Variants in CEP70 observed in about 807,000 individuals in gnomAD.
CEP70 encodes the protein centrosomal protein 70.
CEP70 carries 70 observed loss-of-function variants against 90.9 expected under a neutral mutation model. That is an observed-to-expected ratio of 0.77 (90% CI 0.64 to 0.94). The LOEUF (loss-of-function observed/expected upper bound fraction) is 0.94. Among genes scored for constraint, CEP70 ranks in the 40% least tolerant of loss-of-function variants. The pLI is 0.00. For missense variants in CEP70, 648 were observed against 669.0 expected, an observed-to-expected ratio of 0.97 and a Z score of 0.35; for synonymous variants, 220 against 228.3, an observed-to-expected ratio of 0.96 and a Z score of 0.33.
chr3:138,590,411 G>T (rs2042323537), intron 2 of CEP70, among the ~76,000 whole-genome samples: 1 of 152,036 alleles, frequency 6.6e-6, no homozygotes, highest in Non-Finnish European at 1.5e-5. Context: ...TCCTAGCTCT[G>T]TCTACTGAAA....
intron 6 of CEP70, among the ~76,000 whole-genome samples, chr3:138,538,219 G>T (rs910806127): frequency 6.6e-6 from 1 of 152,152 alleles, no homozygotes; most frequent in Non-Finnish European, 1.5e-5. Flanking sequence ...GGTGGGAATA[G>T]CAGCAACCCC....
At chr3:138,580,922 G>A (rs1576932895) in intron 2 of CEP70, among the ~76,000 whole-genome samples, 1 of 152,096 alleles carries the variant, frequency 6.6e-6, no homozygotes, top group East Asian at 1.9e-4. Flanking sequence ...AATTGATCAA[G>A]CAGAAGAATC....
chr3:138,500,632 T>C, intron 14 of CEP70, 65 bp from the exon 15 acceptor site: 1 of 1,520,398 alleles, frequency 6.6e-7, no homozygotes, highest in South Asian at 1.3e-5. Flanking sequence ...ATAAAAACTT[T>C]TAAAAGACAA....
At chr3:138,580,037 C>G (rs1047995401) in intron 2 of CEP70, among the ~76,000 whole-genome samples, 2 of 152,004 alleles carry the variant, frequency 1.3e-5, no homozygotes, top group African/African-American at 4.8e-5. Flanking sequence ...ACTAAAGAGC[C>G]TTGGGCCTTA....
In CEP70 at chr3:138,500,399, C is replaced by T; in HGVS notation, c.1537G>A (p.Asp513Asn). ...VRNLQELLEL[D>N]SSSSLCVLVS... ...CCAAAATGACAAATTAGGTCATCAC[C>T]TAATTCTAAGAGTTCTTGGAGGTTT... The change falls in exon 15 of 18, where the codon GAT becomes AAT. Residue 513 changes from aspartate to asparagine, a missense_variant and splice_region_variant. Coordinates refer to ENST00000264982, the MANE Select transcript of CEP70 (RefSeq NM_024491.4). 4.4e-6 allele frequency: 7 copies of T among 1,578,596 alleles called. No individual in the cohort carries two copies. Among genetic ancestry groups the T allele is most frequent in the Non-Finnish European group, 6.0e-6 (7 of 1,168,856 alleles).
At position 138,571,270 on chromosome 3, in the gene CEP70, G is replaced by C. The variant is rs1257128303; in HGVS notation, c.156C>G (p.Leu52=). Reference sequence around the variant, plus strand: ...TCAAGAATAGGATCTAATTACCTTTGAGATCTGTTCTTTTGACTAGAGACA... The same window carrying C: ...TCAAGAATAGGATCTAATTACCTTTCAGATCTGTTCTTTTGACTAGAGACA... The part of the protein sequence containing the change: ...KPLSLVKRTD[L]KDLIIFDKQS... Residue 52 remains leucine, a synonymous_variant, in exon 4 of 18, where the codon CTC becomes CTG. Transcript: ENST00000264982. 8 of 1,603,254 alleles carry C rather than the reference G, an allele frequency of 5.0e-6. No individual in the cohort carries two copies. In the East Asian group the frequency reaches 6.7e-5, roughly 13 times the overall value.
At chr3:138,510,885 G>C (rs2035471506) in intron 11 of CEP70, among the ~76,000 whole-genome samples, 1 of 139,142 alleles carries the variant, frequency 7.2e-6, no homozygotes, top group Non-Finnish European at 1.5e-5. Context: ...TTTTGAGACG[G>C]AGTCTCGCCC....
chr3:138,517,606 T>A (rs906014309), intron 11 of CEP70, among the ~76,000 whole-genome samples: 1 of 152,166 alleles, frequency 6.6e-6, no homozygotes, highest in African/African-American at 2.4e-5. Flanking sequence ...GAGGCAGAGC[T>A]TGCAGTGAGC....
chr3:138,525,772 T>G (rs977995023), intron 10 of CEP70, among the ~76,000 whole-genome samples: 2 of 152,168 alleles, frequency 1.3e-5, no homozygotes, highest in Admixed American at 1.3e-4. Flanking sequence ...CTTTTAGTCG[T>G]TTTTTGCTGC....
At chr3:138,565,595 T>A (rs1377780741) in intron 6 of CEP70, among the ~76,000 whole-genome samples, 2 of 152,190 alleles carry the variant, frequency 1.3e-5, no homozygotes, top group Non-Finnish European at 2.9e-5. Flanking sequence ...GGGAAAGGAT[T>A]CCCTATTTAA....
intron 2 of CEP70, among the ~76,000 whole-genome samples, chr3:138,584,927 AC>A (rs1277758262): frequency 6.6e-6 from 1 of 152,112 alleles, no homozygotes; most frequent in Non-Finnish European, 1.5e-5. Context: ...CTTTAGCCAG[AC>A]TATGAAGGAA....
At chr3:138,531,579 T>G (rs1258020056) in intron 8 of CEP70, 1 of 152,218 alleles carries the variant, frequency 6.6e-6, no homozygotes, top group Non-Finnish European at 1.5e-5. Flanking sequence ...CAGTTTCATT[T>G]GGAAGTCAGA....
intron 6 of CEP70, among the ~76,000 whole-genome samples, chr3:138,550,363 T>G (rs1197506317): frequency 6.6e-6 from 1 of 152,150 alleles, no homozygotes; most frequent in Non-Finnish European, 1.5e-5. Context: ...GCATACATTT[T>G]TTGTTGTTGT....
chr3:138,568,796 T>C (rs1338998113), intron 6 of CEP70, among the ~76,000 whole-genome samples: 2 of 151,634 alleles, frequency 1.3e-5, no homozygotes, highest in South Asian at 2.1e-4. Flanking sequence ...CTAGCCAAGA[T>C]AGTGAAACCC....
chr3:138,550,366 G>T (rs1450039086), intron 6 of CEP70, among the ~76,000 whole-genome samples: 3 of 152,066 alleles, frequency 2.0e-5, no homozygotes, highest in Non-Finnish European at 4.4e-5. Context: ...TACATTTTTT[G>T]TTGTTGTTGT....
At chr3:138,543,544 C>A (rs1268352948) in intron 6 of CEP70, among the ~76,000 whole-genome samples, 1 of 152,234 alleles carries the variant, frequency 6.6e-6, no homozygotes, top group African/African-American at 2.4e-5. Context: ...GCCCAAGTCC[C>A]AAGCTGTGGC....
chr3:138,509,312 A>G (rs568196291), intron 11 of CEP70, among the ~76,000 whole-genome samples: 1 of 152,306 alleles, frequency 6.6e-6, no homozygotes, highest in African/African-American at 2.4e-5. Flanking sequence ...GAACAGCTAG[A>G]CGTTTGGTCC....
intron 6 of CEP70, among the ~76,000 whole-genome samples, chr3:138,552,655 C>A (rs566015528): frequency 6.6e-6 from 1 of 152,040 alleles, no homozygotes; most frequent in East Asian, 1.9e-4. Context: ...CCTATCAAAA[C>A]CTCTGGGATA....
intron 2 of CEP70, 39 bp downstream of exon 2, chr3:138,591,815 C>T (rs768031610): frequency 3.0e-5 from 45 of 1,519,502 alleles, no homozygotes; most frequent in Non-Finnish European, 3.7e-5. Context: ...TTTTCCATGG[C>T]CTCCCAACAT....
Sources: allele counts gnomAD v4.1 joint callset (sites outside exome capture counted in the v4.1 genomes callset), GRCh38; gene constraint gnomAD v4.1.1; transcripts MANE v1.5; gene names NCBI Gene and HGNC (gene_info 2026-07-23, HGNC 2026-07-21).